Variants in DMD observed in about 807,000 individuals in gnomAD.
DMD encodes mutant dystrophin.
Under a neutral mutation model 330.1 loss-of-function variants are expected in DMD, and 63 were observed. The ratio of observed to expected loss-of-function variants is 0.19; its 90% confidence interval spans 0.16 to 0.24. DMD has a LOEUF of 0.24. Ranked by LOEUF, DMD falls within the 10% of genes least tolerant of loss-of-function variation. The pLI is 1.00. For synonymous variants in DMD, 1,223 were observed against 959.8 expected (o/e 1.27, Z -5.07); for missense variants, 3,344 against 2,684.1 (o/e 1.25, Z -5.43).
At chrX:33,037,248 A>G (rs1333301592) in intron 1 of DMD, among the ~76,000 whole-genome samples, 2 of 111,379 alleles carry the variant, frequency 1.8e-5, no homozygotes, top group Admixed American at 9.6e-5. Context: ...TCTATTTCAT[A>G]TAATTTTTCC....
chrX:32,036,543 G>T (rs1045512676), intron 44 of DMD, among the ~76,000 whole-genome samples: 7 of 111,764 alleles, frequency 6.3e-5, no homozygotes, highest in Admixed American at 1.9e-4. Context: ...GGGAGGAGAA[G>T]CAGAATTTAT....
intron 2 of DMD, among the ~76,000 whole-genome samples, chrX:32,974,977 A>T (rs2092497108): frequency 8.9e-6 from 1 of 112,093 alleles, no homozygotes; most frequent in Non-Finnish European, 1.9e-5. Context: ...GAAGCTAGAA[A>T]AAGGAGTACT....
chrX:31,307,901 C>T (rs1008697652), intron 62 of DMD, among the ~76,000 whole-genome samples: 4 of 111,527 alleles, frequency 3.6e-5, no homozygotes, highest in Middle Eastern at 4.2e-3. Flanking sequence ...CATGAGTTTT[C>T]TGGAAGACAA....
intron 2 of DMD, among the ~76,000 whole-genome samples, chrX:32,956,602 C>G (rs911683251): frequency 5.4e-5 from 6 of 111,726 alleles, no homozygotes; most frequent in Non-Finnish European, 9.4e-5. Flanking sequence ...AGCTTTTGGG[C>G]TGAGACCATG....
rs11317304 is a variant in DMD at position 32,462,606 on chromosome X, G to GT, written c.3432+832dup. 3.5e-3 allele frequency among the ~76,000 whole-genome samples: 376 copies of GT among 108,485 alleles called. 2 individuals are homozygous for GT. The highest frequency in any genetic ancestry group is 0.012 in the African/African-American group (346 of 29,839). The allele number at this position is 108,485 out of a possible 115,157, so 94.2% of individuals were successfully genotyped here. ...ATGAGTGTACAGTCATTTTGTGTGT[G>GT]TTTTTTTTTGAAATTCAGCTATTCT... is the stretch of plus-strand genomic sequence containing the variant. On this transcript the variant is annotated intron_variant, in intron 25 of 78. Transcript: ENST00000357033.
At chrX:33,052,107 T>C (rs756166348) in intron 1 of DMD, among the ~76,000 whole-genome samples, 18 of 111,917 alleles carry the variant, frequency 1.6e-4, no homozygotes, top group Non-Finnish European at 2.3e-4. Context: ...TAAATCTTAA[T>C]AGAAATGATT....
chrX:32,417,892 G>T (rs1353884319), intron 29 of DMD, among the ~76,000 whole-genome samples: 1 of 107,865 alleles, frequency 9.3e-6, no homozygotes, highest in African/African-American at 3.4e-5. Context: ...GGAGACATTT[G>T]CCTATTTTCC....
rs1325417376 is a variant in DMD at position 33,245,606 on chromosome X, T to G, written c.7+93653A>C. Among the ~76,000 whole-genome samples, 5 of 112,223 alleles carry G rather than the reference T, an allele frequency of 4.5e-5. No individual in the cohort carries two copies. The East Asian group carries it at 1.4e-3, about 31-fold the overall frequency. ...ATGGGCCTCAGTCTAGAGAACTGGC[T>G]GGCCAAAACAACTATGAATTTTAAC... is the stretch of plus-strand genomic sequence containing the variant. On this transcript the variant is annotated intron_variant, in intron 1 of 17. Transcript: ENST00000288447.
chrX:32,333,701 T>G lies in DMD; in HGVS notation c.5922+8399A>C, dbSNP rs752857586. ...GATAATGCCTCTTCTCCATTGTGGG[T>G]AGGATTTATTTATTCCCCTTTACAG... On this transcript the variant is annotated intron_variant, in intron 41 of 78. Transcript: ENST00000357033. 8.1e-5 allele frequency among the ~76,000 whole-genome samples: 9 copies of G among 111,452 alleles called. No individual in the cohort carries two copies. In the South Asian group the frequency reaches 3.4e-3, roughly 42 times the overall value.
At chrX:32,994,392 A>T (rs948808632) in intron 2 of DMD, among the ~76,000 whole-genome samples, 2 of 111,366 alleles carry the variant, frequency 1.8e-5, no homozygotes, top group Non-Finnish European at 3.8e-5. Context: ...TGAAAATATT[A>T]AAAAGAATCC....
At chrX:32,732,634 A>C (rs960261725) in intron 7 of DMD, among the ~76,000 whole-genome samples, 2 of 111,381 alleles carry the variant, frequency 1.8e-5, no homozygotes, top group African/African-American at 6.6e-5. Context: ...AAGAATTTTC[A>C]ACCCAGAATT....
At chrX:32,018,578 T>C (rs2147119661) in intron 44 of DMD, among the ~76,000 whole-genome samples, 1 of 112,194 alleles carries the variant, frequency 8.9e-6, no homozygotes, top group Non-Finnish European at 1.9e-5. Flanking sequence ...CTACTCTTTC[T>C]AGAAAACATT....
chrX:31,375,874 T>C (rs986532205), intron 60 of DMD, among the ~76,000 whole-genome samples: 4 of 111,987 alleles, frequency 3.6e-5, no homozygotes, highest in Non-Finnish European at 5.6e-5. Context: ...TTTACCACAA[T>C]TTGAAAAGAA....
intron 43 of DMD, among the ~76,000 whole-genome samples, chrX:32,229,725 TAA>T (rs1400192795): frequency 3.2e-4 from 22 of 69,258 alleles, no homozygotes; most frequent in African/African-American, 1.1e-3. Flanking sequence ...TATATATATA[TAA>T]AATCAAAGAG....
chrX:33,154,151 C>A (rs2048395535), intron 1 of DMD, among the ~76,000 whole-genome samples: 1 of 111,873 alleles, frequency 8.9e-6, no homozygotes, highest in Admixed American at 9.5e-5. Flanking sequence ...AATCCCAGCA[C>A]TTTGGGAGGC....
chrX:32,120,200 C>A, intron 44 of DMD, among the ~76,000 whole-genome samples: 1 of 112,104 alleles, frequency 8.9e-6, no homozygotes, highest in East Asian at 2.8e-4. Context: ...GAATTCCAAC[C>A]TTTTCATTTG....
In DMD at chrX:33,278,328, C is replaced by T. The variant is rs749969517; in HGVS notation, c.7+60931G>A. ...ATAGGTAGCTTTTCAGCCTTTGCCC[C>T]TTCCTCCCTCCCCTCGATTGTAGTC... On this transcript the variant is annotated intron_variant, in intron 1 of 17. Transcript: ENST00000288447. Among the ~76,000 whole-genome samples, 3 of 110,725 alleles carry T rather than the reference C, an allele frequency of 2.7e-5. No homozygotes were observed. The East Asian group carries it at 8.6e-4, about 32-fold the overall frequency.
chrX:32,431,188 G>T (rs1344975489), intron 29 of DMD, among the ~76,000 whole-genome samples: 1 of 110,747 alleles, frequency 9.0e-6, no homozygotes, highest in East Asian at 2.8e-4. Flanking sequence ...TGCCATCAGG[G>T]TACAAGGGGC....
chrX:31,407,431 G>A (rs922030106), intron 60 of DMD, among the ~76,000 whole-genome samples: 3 of 106,571 alleles, frequency 2.8e-5, no homozygotes, highest in Admixed American at 1.0e-4. Flanking sequence ...CTCTCAAAGT[G>A]CTGGGATTAC....
Sources: gnomAD v4.1 joint callset for allele counts (sites outside exome capture counted in the v4.1 genomes callset) on GRCh38, gnomAD v4.1.1 for gene constraint, MANE v1.5 for transcripts, NCBI Gene and HGNC (gene_info 2026-07-23, HGNC 2026-07-21) for gene names.